The following CHIC1 variants were observed in gnomAD, a reference collection of about 807,000 sequenced individuals.
CHIC1 encodes cysteine-rich hydrophobic domain-containing protein 1.
CHIC1 carries 7 observed loss-of-function variants against 18.5 expected under a neutral mutation model. That is an observed-to-expected ratio of 0.38 (90% CI 0.22 to 0.71). The LOEUF (loss-of-function observed/expected upper bound fraction) is 0.71, where lower values mean the gene tolerates loss of function less well. Among genes scored for constraint, CHIC1 ranks in the 30% least tolerant of loss-of-function variants. The pLI is 0.49. For missense variants in CHIC1, 159 were observed against 176.9 expected (o/e 0.90, Z 0.57); for synonymous variants, 77 against 73.5 (o/e 1.05, Z -0.25).
intron 3 of CHIC1, among the ~76,000 whole-genome samples, chrX:73,656,929 G>A (rs188895363): frequency 1.4e-3 from 156 of 111,321 alleles, no homozygotes; most frequent in Middle Eastern, 4.7e-3. Context: ...CTTCCTATCC[G>A]TGAGCCTGGA....
chrX:73,631,618 A>G (rs2057807332), intron 3 of CHIC1, among the ~76,000 whole-genome samples: 2 of 106,637 alleles, frequency 1.9e-5, no homozygotes, highest in Non-Finnish European at 3.8e-5. Flanking sequence ...AGCAACAGAG[A>G]CTCCATCTCA....
intron 3 of CHIC1, among the ~76,000 whole-genome samples, chrX:73,645,310 A>G (rs1203001285): frequency 2.7e-5 from 3 of 112,054 alleles, no homozygotes; most frequent in Non-Finnish European, 5.6e-5. Context: ...TCATTAGTCC[A>G]TTGATGGACA....
At chrX:73,601,755 A>G (rs1200441356) in intron 3 of CHIC1, among the ~76,000 whole-genome samples, 2 of 107,010 alleles carry the variant, frequency 1.9e-5, no homozygotes, top group African/African-American at 7.3e-5. Context: ...CCCTTCAAAA[A>G]ATTAATGAAT....
intron 3 of CHIC1, among the ~76,000 whole-genome samples, chrX:73,600,396 A>G (rs1192104109): frequency 9.9e-6 from 1 of 100,582 alleles, no homozygotes; most frequent in Non-Finnish European, 2.0e-5. Flanking sequence ...GAGAGAGGGC[A>G]TCCCTGTCTT....
chrX:73,601,485 A>G (rs1350918919), intron 3 of CHIC1, among the ~76,000 whole-genome samples: 2 of 106,666 alleles, frequency 1.9e-5, no homozygotes, highest in African/African-American at 7.4e-5. Flanking sequence ...AAATGAAGGC[A>G]GAAATAAAGA....
In CHIC1 at chrX:73,635,935, C is replaced by G. The variant is rs185960566; in HGVS notation, c.508-43391C>G. Among the ~76,000 whole-genome samples, 41 of 111,631 alleles carry G rather than the reference C, an allele frequency of 3.7e-4. No individual in the cohort carries two copies. In the East Asian group the frequency reaches 9.9e-3, roughly 27 times the overall value. ...GTTATTCAAGTACTCTCTTTTCTTT[C>G]TCTCTTGTTGTTAACATCATTATTG... On this transcript the variant is annotated intron_variant, in intron 3 of 5. Coordinates refer to ENST00000373502, the MANE Select transcript of CHIC1 (RefSeq NM_001039840.4).
At chrX:73,565,887 G>A (rs778612265) in intron 1 of CHIC1, among the ~76,000 whole-genome samples, 33 of 110,321 alleles carry the variant, frequency 3.0e-4, no homozygotes, top group Admixed American at 9.7e-5. Context: ...TCCATTCTTT[G>A]TGCAGCCTTC....
intron 3 of CHIC1, among the ~76,000 whole-genome samples, chrX:73,674,162 T>G (rs746753847): frequency 8.9e-6 from 1 of 112,074 alleles, no homozygotes; most frequent in Non-Finnish European, 1.9e-5. Context: ...AGTATTTTAC[T>G]GAGGATTTTT....
At chrX:73,602,737 A>G (rs951542147) in intron 3 of CHIC1, among the ~76,000 whole-genome samples, 3 of 108,743 alleles carry the variant, frequency 2.8e-5, no homozygotes, top group African/African-American at 1.1e-4. Context: ...GCTTATGGCT[A>G]GCCAGTTTTC....
At chrX:73,675,035 T>G (rs2058054159) in intron 3 of CHIC1, among the ~76,000 whole-genome samples, 1 of 111,551 alleles carries the variant, frequency 9.0e-6, no homozygotes, top group South Asian at 3.7e-4. Flanking sequence ...TTCCATGTAG[T>G]TGAGCAGTTT....
chrX:73,575,375 A>G (rs1379157839), intron 1 of CHIC1, among the ~76,000 whole-genome samples: 1 of 110,249 alleles, frequency 9.1e-6, no homozygotes, highest in African/African-American at 3.3e-5. Context: ...GTGTCACTTA[A>G]CAATGGGGAT....
At chrX:73,652,713 T>G (rs2147610391) in intron 3 of CHIC1, among the ~76,000 whole-genome samples, 1 of 112,224 alleles carries the variant, frequency 8.9e-6, no homozygotes, top group South Asian at 3.7e-4. Context: ...TGGCAATTAT[T>G]AAAAAGTCAA....
chrX:73,579,184 A>G (rs1286763803), intron 2 of CHIC1, among the ~76,000 whole-genome samples: 1 of 110,518 alleles, frequency 9.0e-6, no homozygotes, highest in African/African-American at 3.3e-5. Flanking sequence ...CAAGCTTTGC[A>G]GTCAAATCTG....
intron 2 of CHIC1, 115 bp from the exon 3 acceptor site, chrX:73,584,302 A>G: frequency 1.6e-6 from 1 of 620,601 alleles, no homozygotes; most frequent in East Asian, 3.6e-5. Flanking sequence ...TGGGGAATAT[A>G]TCTATTTAGA....
chrX:73,652,467 A>T (rs1375167972), intron 3 of CHIC1, among the ~76,000 whole-genome samples: 2 of 112,331 alleles, frequency 1.8e-5, no homozygotes, highest in African/African-American at 6.5e-5. Context: ...GAATGGGAGA[A>T]AATTTTTGCA....
At chrX:73,573,791 T>C (rs780978777) in intron 1 of CHIC1, among the ~76,000 whole-genome samples, 4 of 111,673 alleles carry the variant, frequency 3.6e-5, no homozygotes, top group South Asian at 7.4e-4. Flanking sequence ...CCTGAAACTT[T>C]AGTGAAGTTT....
intron 3 of CHIC1, among the ~76,000 whole-genome samples, chrX:73,603,631 G>C (rs759736448): frequency 9.2e-6 from 1 of 108,766 alleles, no homozygotes; most frequent in African/African-American, 3.6e-5. Context: ...GATATCTGCT[G>C]TGGGTTTGTC....
chrX:73,567,379 G>T (rs1364242011), intron 1 of CHIC1, among the ~76,000 whole-genome samples: 2 of 110,557 alleles, frequency 1.8e-5, no homozygotes, highest in African/African-American at 6.6e-5. Flanking sequence ...TTCTGTATTC[G>T]CAACCTCAGT....
chrX:73,623,466 T>G (rs910195383), intron 3 of CHIC1, among the ~76,000 whole-genome samples: 1 of 111,216 alleles, frequency 9.0e-6, no homozygotes, highest in East Asian at 2.8e-4. Flanking sequence ...TGATCTTTGT[T>G]GGTTTAAAGT....
Sources: gnomAD v4.1 joint callset for allele counts (sites outside exome capture counted in the v4.1 genomes callset) on GRCh38, gnomAD v4.1.1 for gene constraint, MANE v1.5 for transcripts, NCBI Gene and HGNC (gene_info 2026-07-23, HGNC 2026-07-21) for gene names.